The following SMU1 variants were observed in gnomAD, a reference collection of about 807,000 sequenced individuals.
SMU1 encodes the protein SMU1 DNA replication regulator and spliceosomal factor.
SMU1 carries 2 observed loss-of-function variants against 62.0 expected under a neutral mutation model. The ratio of observed to expected loss-of-function variants is 0.03; its 90% confidence interval spans 0.01 to 0.10. The LOEUF (loss-of-function observed/expected upper bound fraction) is 0.10. SMU1 is among the 10% of genes least tolerant of loss of function. The pLI, the probability that SMU1 is intolerant of heterozygous loss-of-function variation, is 1.00. For synonymous variants in SMU1, 188 were observed against 212.4 expected, an observed-to-expected ratio of 0.89 and a Z score of 1.00; for missense variants, 227 against 622.1, an observed-to-expected ratio of 0.36 and a Z score of 6.76.
intron 1 of SMU1, among the ~76,000 whole-genome samples, chr9:33,076,170 G>A (rs1462000481): frequency 1.3e-5 from 2 of 152,164 alleles, no homozygotes; most frequent in East Asian, 3.8e-4. Flanking sequence ...AAAAGCAAAG[G>A]GGCCGTATAA....
chr9:33,060,021 T>C (rs1271575335), intron 6 of SMU1, among the ~76,000 whole-genome samples: 2 of 152,168 alleles, frequency 1.3e-5, no homozygotes, highest in African/African-American at 4.8e-5. Context: ...TACCGTTTTT[T>C]GCTTTTTGTT....
intron 6 of SMU1, among the ~76,000 whole-genome samples, chr9:33,059,658 T>C (rs971054508): frequency 1.4e-5 from 2 of 147,156 alleles, no homozygotes; most frequent in African/African-American, 4.9e-5. Flanking sequence ...CAGGCTGGAG[T>C]GCAGTGGCAT....
chr9:33,053,335 A>C (rs562567849), intron 9 of SMU1, 45 bp from the exon 10 acceptor site: 6 of 1,569,406 alleles, frequency 3.8e-6, no homozygotes, highest in Non-Finnish European at 5.2e-6. Context: ...TAGGTATAAA[A>C]ATTTCTAAAG....
rs771989256 is a variant in SMU1 at position 33,073,658 on chromosome 9, C to G, written c.175G>C (p.Val59Leu). 1 of 1,613,496 alleles carries G rather than the reference C, an allele frequency of 6.2e-7. No individual in the cohort carries two copies. The highest frequency in any genetic ancestry group is 8.5e-7 in the Non-Finnish European group (1 of 1,179,878). Residue 59 changes from valine to leucine, a missense_variant, in exon 2 of 12, where the codon GTG (valine) becomes CTG (leucine). Physicochemically the swap from Val to Leu is conservative, Grantham distance 32. This residue lies in a region of SMU1 where 99 missense variants were observed against 270.3 expected (regional missense o/e 0.37). Coordinates refer to ENST00000397149, the MANE Select transcript of SMU1 (RefSeq NM_018225.3). The part of the protein sequence containing the change: ...ADINSGHWDT[V>L]LQAIQSLKLP... ...TTCAGAGACTGTATAGCCTGCAACA[C>G]AGTATCCCAATGGCCACTGTTAATG...
chr9:33,066,505 TAAAAAAAA>T (rs35501819), intron 4 of SMU1, among the ~76,000 whole-genome samples: 2 of 100,148 alleles, frequency 2.0e-5, no homozygotes, highest in African/African-American at 7.5e-5. Context: ...TCCATTTAAT[TAAAAAAAA>T]AAAAAAAAAA....
intron 4 of SMU1, among the ~76,000 whole-genome samples, chr9:33,064,249 A>G (rs1839394637): frequency 6.6e-6 from 1 of 152,026 alleles, no homozygotes; most frequent in Admixed American, 6.6e-5. Context: ...TCTATTTTGG[A>G]TTATAGCTTT....
At chr9:33,059,905 C>A (rs1587709293) in intron 6 of SMU1, among the ~76,000 whole-genome samples, 1 of 151,954 alleles carries the variant, frequency 6.6e-6, no homozygotes, top group East Asian at 2.0e-4. Context: ...AGCCATCACG[C>A]CCAGCCTGAA....
At chr9:33,049,015 G>C (rs1047264625) in intron 10 of SMU1, among the ~76,000 whole-genome samples, 9 of 152,310 alleles carry the variant, frequency 5.9e-5, no homozygotes, top group African/African-American at 1.9e-4. Context: ...TGAACAGGAA[G>C]ACTCAATATG....
chr9:33,076,357 C>T (rs1418169091), intron 1 of SMU1, among the ~76,000 whole-genome samples: 1 of 152,154 alleles, frequency 6.6e-6, no homozygotes, highest in Non-Finnish European at 1.5e-5. Flanking sequence ...GTGTGTTTTC[C>T]CCACCCGTGC....
In SMU1 at chr9:33,051,137, A is replaced by T. The variant is rs1406865448; in HGVS notation, c.1290+1986T>A. Among the ~76,000 whole-genome samples, 49 of 121,544 alleles carry T rather than the reference A, an allele frequency of 4.0e-4. 8 individuals are homozygous for T. The highest frequency in any genetic ancestry group is 1.7e-3 in the African/African-American group (45 of 25,918). The allele number at this position is 121,544 out of a possible 152,430, so 79.7% of individuals were successfully genotyped here. ...CTCTGTCTCAAAAAAAAAAAAAAAT[A>T]AAAATAAAAATAAAAAATAAGCTAT... On this transcript the variant is annotated intron_variant, in intron 10 of 11. Coordinates refer to ENST00000397149, the MANE Select transcript of SMU1 (RefSeq NM_018225.3).
rs1400712281 is a variant in SMU1, at chr9:33,046,763, C to T, written c.*530G>A. On this transcript the variant is annotated 3_prime_UTR_variant, in exon 12 of 12. Transcript: ENST00000397149. The stretch of plus-strand genomic sequence containing the variant: ...AAAAAATTAGCCAGGCATGGTGTCG[C>T]ACACCTGTAGTCCCCAGCTACTCGG... 6.6e-6 allele frequency: 1 copy of T among 152,300 alleles called. No individual in the cohort carries two copies. Among genetic ancestry groups the T allele is most frequent in the Non-Finnish European group, 1.5e-5 (1 of 68,394 alleles). 9.4% of individuals were successfully genotyped at this position (152,300 alleles called of 1,614,324 possible). A position where few individuals can be genotyped will look rare whatever the true frequency, so the allele number is the denominator to read the frequency against.
At chr9:33,065,190 T>C (rs1663649536) in intron 4 of SMU1, among the ~76,000 whole-genome samples, 1 of 152,232 alleles carries the variant, frequency 6.6e-6, no homozygotes, top group South Asian at 2.1e-4. Flanking sequence ...TACTGCAAGT[T>C]TCCACTTGTA....
intron 11 of SMU1, among the ~76,000 whole-genome samples, chr9:33,047,720 G>A (rs889440312): frequency 9.2e-5 from 14 of 152,156 alleles, no homozygotes; most frequent in African/African-American, 3.4e-4. Context: ...TTAGCCAGGA[G>A]TGGTGGCATG....
Position 33,044,454 on chromosome 9 carries a change from G to A in SMU1, c.*2839C>T, listed in dbSNP as rs904395074. On this transcript the variant is annotated 3_prime_UTR_variant, in exon 12 of 12. Transcript: ENST00000397149. ...ACCTCCGACCACCCGGAGCAGCGGC[G>A]CCCCAGATCCGGCCGTCCGCCCTGC... 6.6e-6 allele frequency: 1 copy of A among 152,362 alleles called. No homozygotes were observed. The highest frequency in any genetic ancestry group is 1.5e-5 in the Non-Finnish European group (1 of 68,170). The allele number at this position is 152,362 out of a possible 1,614,324, so 9.4% of individuals were successfully genotyped here.
intron 3 of SMU1, among the ~76,000 whole-genome samples, chr9:33,070,490 T>C (rs932848294): frequency 1.3e-5 from 2 of 152,138 alleles, no homozygotes; most frequent in Admixed American, 1.3e-4. Flanking sequence ...CTCAAAAAAT[T>C]AAACATGGAG....
At position 33,074,300 on chromosome 9, in the gene SMU1, A is replaced by C. The variant is rs113939495; in HGVS notation, c.27-494T>G. ...GGCAGCTGTGAGACCCCATCTCTAC[A>C]AATTTTTTTTTAAATTAGCCAAACA... On this transcript the variant is annotated intron_variant, in intron 1 of 11. Coordinates refer to ENST00000397149, the MANE Select transcript of SMU1 (RefSeq NM_018225.3). Among the ~76,000 whole-genome samples, 824 of 152,142 alleles carry C rather than the reference A, an allele frequency of 5.4e-3. 7 individuals carry two copies. Among genetic ancestry groups the C allele is most frequent in the African/African-American group, 0.018 (763 of 41,528 alleles).
chr9:33,067,536 T>C (rs1376004035), intron 4 of SMU1, among the ~76,000 whole-genome samples: 1 of 149,878 alleles, frequency 6.7e-6, no homozygotes, highest in Non-Finnish European at 1.5e-5. Flanking sequence ...CTCGCTCTTG[T>C]CTCCCAGGCT....
chr9:33,068,577 T>C (rs1028175464), intron 4 of SMU1, among the ~76,000 whole-genome samples: 1 of 152,152 alleles, frequency 6.6e-6, no homozygotes, highest in Admixed American at 6.5e-5. Context: ...GGCATGATCA[T>C]AGCTGTCATC....
chr9:33,058,603 C>A (rs1467416214), intron 6 of SMU1, among the ~76,000 whole-genome samples: 19 of 152,136 alleles, frequency 1.2e-4, no homozygotes, highest in Non-Finnish European at 2.5e-4. Flanking sequence ...AGGTATGAGC[C>A]ACTGCGCCCA....
Sources: gnomAD v4.1 joint callset for allele counts (sites outside exome capture counted in the v4.1 genomes callset) on GRCh38, gnomAD v4.1.1 for gene constraint, gnomAD v4.1.1 regional missense constraint, MANE v1.5 for transcripts, NCBI Gene and HGNC (gene_info 2026-07-23, HGNC 2026-07-21) for gene names.